The following NKAIN2 variants were observed in gnomAD, a reference collection of about 807,000 sequenced individuals.
The protein encoded by NKAIN2 is sodium/potassium-transporting ATPase subunit beta-1-interacting protein 2.
A neutral mutation model predicts 32.6 loss-of-function variants in NKAIN2; 14 were observed. That is an observed-to-expected ratio of 0.43 (90% CI 0.28 to 0.67). The LOEUF is 0.67. Among genes scored for constraint, NKAIN2 ranks in the 30% least tolerant of loss-of-function variants. The pLI is 0.17. For missense variants in NKAIN2, 198 were observed against 258.3 expected, an observed-to-expected ratio of 0.77 and a Z score of 1.60; for synonymous variants, 80 against 87.2, an observed-to-expected ratio of 0.92 and a Z score of 0.46.
At chr6:123,808,736 T>C (rs960789635) in intron 1 of NKAIN2, among the ~76,000 whole-genome samples, 1 of 152,212 alleles carries the variant, frequency 6.6e-6, no homozygotes, top group East Asian at 1.9e-4. Context: ...GGGGCCCGTA[T>C]GTGGGTAATG....
chr6:124,774,427 C>T (rs978742443), intron 4 of NKAIN2, among the ~76,000 whole-genome samples: 2 of 152,076 alleles, frequency 1.3e-5, no homozygotes, highest in African/African-American at 2.4e-5. Context: ...GCTATGGATA[C>T]AGTTAGGTGT....
At chr6:124,377,185 GAA>G (rs1800030300) in intron 3 of NKAIN2, among the ~76,000 whole-genome samples, 1 of 152,144 alleles carries the variant, frequency 6.6e-6, no homozygotes, top group Non-Finnish European at 1.5e-5. Flanking sequence ...TGGATATTTT[GAA>G]ACAATATTCT....
chr6:124,201,591 G>A (rs1790588131), intron 1 of NKAIN2, among the ~76,000 whole-genome samples: 1 of 151,948 alleles, frequency 6.6e-6, no homozygotes, highest in African/African-American at 2.4e-5. Context: ...AATTGAAAAT[G>A]AAATAACACA....
At chr6:124,162,676 TAAAAG>T (rs1046664791) in intron 1 of NKAIN2, among the ~76,000 whole-genome samples, 1 of 152,000 alleles carries the variant, frequency 6.6e-6, no homozygotes, top group African/African-American at 2.4e-5. Flanking sequence ...ACAGGTCACA[TAAAAG>T]AGAGAAGGAG....
In NKAIN2 at chr6:124,453,355, A is replaced by ACACGCACACG. The variant is rs374682596; in HGVS notation, c.273+98011_273+98012insGCACACGCAC. On this transcript the variant is annotated intron_variant, in intron 3 of 6. Coordinates refer to ENST00000368417, the MANE Select transcript of NKAIN2 (RefSeq NM_001040214.3). ...CACACACACACACACACACACACACACACACACACACACAGTTCTGAGGTC... is the reference window on the plus strand; with the variant it reads ...CACACACACACACACACACACACACACACGCACACGCACACACACACACAGTTCTGAGGTC... Among the ~76,000 whole-genome samples, 7 of 136,676 alleles carry ACACGCACACG rather than the reference A, an allele frequency of 5.1e-5. 1 individual carries two copies. The highest frequency in any genetic ancestry group is 1.9e-4 in the African/African-American group (7 of 36,468). The allele number at this position is 136,676 out of a possible 152,430, so 89.7% of individuals were successfully genotyped here.
At chr6:124,658,427 G>C (rs749922520) in intron 4 of NKAIN2, 41 bp downstream of exon 4, 3 of 1,613,834 alleles carry the variant, frequency 1.9e-6, no homozygotes, top group African/African-American at 1.3e-5. Flanking sequence ...GTGCCTCTGG[G>C]GTTGTTTTAT....
intron 1 of NKAIN2, among the ~76,000 whole-genome samples, chr6:124,093,896 C>G (rs1349001710): frequency 6.6e-6 from 1 of 152,090 alleles, no homozygotes; most frequent in Non-Finnish European, 1.5e-5. Flanking sequence ...CATCCATTTT[C>G]TTCAGATTTT....
chr6:124,405,659 C>T (rs897675450), intron 3 of NKAIN2, among the ~76,000 whole-genome samples: 13 of 151,546 alleles, frequency 8.6e-5, no homozygotes, highest in East Asian at 7.8e-4. Context: ...GAACTATAGG[C>T]GTGAGCCACC....
chr6:123,923,314 G>A (rs892944450), intron 1 of NKAIN2, among the ~76,000 whole-genome samples: 5 of 151,228 alleles, frequency 3.3e-5, no homozygotes, highest in African/African-American at 7.3e-5. Flanking sequence ...GGTTTGTTTA[G>A]TTTGTATTAA....
chr6:124,449,722 T>C (rs1265364372), intron 3 of NKAIN2, among the ~76,000 whole-genome samples: 1 of 152,018 alleles, frequency 6.6e-6, no homozygotes, highest in East Asian at 1.9e-4. Context: ...TTTCAAAGTT[T>C]TGAGTCATTA....
At chr6:124,809,957 T>A (rs1278631213) in intron 5 of NKAIN2, among the ~76,000 whole-genome samples, 1 of 152,100 alleles carries the variant, frequency 6.6e-6, no homozygotes, top group Non-Finnish European at 1.5e-5. Flanking sequence ...CCAGTTAGAA[T>A]GGCAATCATT....
rs1432057015 is a variant in NKAIN2, at chr6:124,021,074, A to G, written c.54+216820A>G. 1.1e-4 allele frequency among the ~76,000 whole-genome samples: 16 copies of G among 152,212 alleles called. No homozygotes were observed. In the East Asian group the frequency reaches 2.9e-3, roughly 28 times the overall value. ...TTTACTGTAAGTAAAATTGAGTAAAAGCACAATTCTTTGCCTTTCTACTTG... is the reference window on the plus strand; with the variant it reads ...TTTACTGTAAGTAAAATTGAGTAAAGGCACAATTCTTTGCCTTTCTACTTG... On this transcript the variant is annotated intron_variant, in intron 1 of 6. Transcript: ENST00000368417.
intron 1 of NKAIN2, among the ~76,000 whole-genome samples, chr6:124,069,544 A>G (rs1446097028): frequency 1.3e-5 from 2 of 152,106 alleles, no homozygotes; most frequent in African/African-American, 4.8e-5. Context: ...TGTGTAGTCC[A>G]GAGGAGCACA....
chr6:123,985,075 T>G (rs1007718178), intron 1 of NKAIN2, among the ~76,000 whole-genome samples: 5 of 152,008 alleles, frequency 3.3e-5, no homozygotes, highest in African/African-American at 9.7e-5. Flanking sequence ...ATGTACAAGG[T>G]TCTTGATTGA....
intron 4 of NKAIN2, among the ~76,000 whole-genome samples, chr6:124,770,683 T>C (rs761406223): frequency 3.3e-5 from 5 of 152,202 alleles, no homozygotes; most frequent in Non-Finnish European, 5.9e-5. Context: ...TTATTAACGA[T>C]GCTCTGATTC....
chr6:124,033,892 G>T (rs552941571), intron 1 of NKAIN2, among the ~76,000 whole-genome samples: 11 of 152,168 alleles, frequency 7.2e-5, no homozygotes, highest in Admixed American at 7.2e-4. Context: ...CCTCTCTGTT[G>T]GCTTAGTAGT....
intron 4 of NKAIN2, among the ~76,000 whole-genome samples, chr6:124,750,212 TGTTA>T (rs1358322292): frequency 6.6e-6 from 1 of 151,902 alleles, no homozygotes; most frequent in African/African-American, 2.4e-5. Context: ...ATTTACTAAA[TGTTA>T]GTTATTCTTT....
chr6:123,832,980 A>AT (rs1435473838), intron 1 of NKAIN2, among the ~76,000 whole-genome samples: 1 of 152,038 alleles, frequency 6.6e-6, no homozygotes, highest in Non-Finnish European at 1.5e-5. Context: ...TTATCGATTT[A>AT]TTTTTTATGG....
At chr6:124,345,961 C>G (rs976690913) in intron 2 of NKAIN2, among the ~76,000 whole-genome samples, 35 of 151,922 alleles carry the variant, frequency 2.3e-4, no homozygotes, top group African/African-American at 6.8e-4. Context: ...GCTTTCTCTT[C>G]TGGGCATTTA....
Sources: gnomAD v4.1 joint callset for allele counts (sites outside exome capture counted in the v4.1 genomes callset) on GRCh38, gnomAD v4.1.1 for gene constraint, MANE v1.5 for transcripts, NCBI Gene and HGNC (gene_info 2026-07-23, HGNC 2026-07-21) for gene names.